Variants in RFC3 observed in about 807,000 individuals in gnomAD.
The protein encoded by RFC3 is A1 38 kDa subunit.
In RFC3, 41 loss-of-function variants were observed where a neutral mutation model predicts 45.1. That is an observed-to-expected ratio of 0.91 (90% CI 0.71 to 1.18). RFC3 has a LOEUF of 1.18. Among genes scored for constraint, RFC3 ranks in the 50% most tolerant of loss-of-function variants. The pLI, the probability that RFC3 is intolerant of heterozygous loss-of-function variation, is 0.00. For missense variants in RFC3, 423 were observed against 428.1 expected (o/e 0.99, Z 0.10); for synonymous variants, 149 against 144.0 (o/e 1.03, Z -0.25).
chr13:33,840,564 A>T (rs2082190226), downstream of RFC3, among the ~76,000 whole-genome samples: 1 of 146,924 alleles, frequency 6.8e-6, no homozygotes, highest in African/African-American at 2.5e-5. Context: ...GTCATGTTAC[A>T]TTATCAAGTG....
At chr13:33,896,134 C>T (rs1247397586) in intron 8 of RFC3, among the ~76,000 whole-genome samples, 2 of 151,586 alleles carry the variant, frequency 1.3e-5, no homozygotes, top group Non-Finnish European at 2.9e-5. Context: ...ACAAAAAAAC[C>T]ACTTGTACCC....
intron 8 of RFC3, among the ~76,000 whole-genome samples, chr13:33,861,868 A>G (rs961441113): frequency 3.3e-5 from 5 of 152,218 alleles, no homozygotes; most frequent in African/African-American, 1.2e-4. Flanking sequence ...TACCCTTTGC[A>G]GTAAAACTAA....
chr13:33,933,081 A>T (rs775789001), intron 8 of RFC3, among the ~76,000 whole-genome samples: 9 of 152,148 alleles, frequency 5.9e-5, no homozygotes, highest in Non-Finnish European at 1.0e-4. Context: ...TGAGTTACAG[A>T]TGGTGATATC....
At chr13:33,832,017 T>A (rs1431019582) in intron 7 of RFC3, among the ~76,000 whole-genome samples, 1 of 152,240 alleles carries the variant, frequency 6.6e-6, no homozygotes, top group East Asian at 1.9e-4. Flanking sequence ...TTGACACATT[T>A]GCTCAAAATT....
intron 8 of RFC3, among the ~76,000 whole-genome samples, chr13:33,931,517 G>T (rs1442525313): frequency 6.6e-6 from 1 of 151,956 alleles, no homozygotes; most frequent in Non-Finnish European, 1.5e-5. Flanking sequence ...CTCATATCAT[G>T]AGATGTGTAA....
chr13:33,948,521 G>A (rs1043182905), intron 8 of RFC3, among the ~76,000 whole-genome samples: 1 of 152,206 alleles, frequency 6.6e-6, no homozygotes, highest in Non-Finnish European at 1.5e-5. Context: ...GCTGTGAGAA[G>A]AGGGCCACTG....
At chr13:33,852,345 T>C (rs1351741787) in intron 8 of RFC3, among the ~76,000 whole-genome samples, 1 of 152,192 alleles carries the variant, frequency 6.6e-6, no homozygotes, top group East Asian at 1.9e-4. Context: ...TGAGCCTATG[T>C]GTAAGTAGTC....
At chr13:33,868,871 G>C (rs1593652096) in intron 8 of RFC3, among the ~76,000 whole-genome samples, 1 of 152,116 alleles carries the variant, frequency 6.6e-6, no homozygotes, top group East Asian at 1.9e-4. Flanking sequence ...GTAACAAAAA[G>C]GCCAGACACT....
At chr13:33,950,398 A>G (rs1444595042) in intron 8 of RFC3, among the ~76,000 whole-genome samples, 1 of 152,210 alleles carries the variant, frequency 6.6e-6, no homozygotes, top group East Asian at 1.9e-4. Context: ...GATATAATGA[A>G]AAAGGAAAAA....
At chr13:33,822,625 G>T (rs2082013562) in intron 2 of RFC3, among the ~76,000 whole-genome samples, 2 of 152,154 alleles carry the variant, frequency 1.3e-5, no homozygotes, top group African/African-American at 4.8e-5. Flanking sequence ...AGTGGAAGAG[G>T]ATAAGCCAGC....
At chr13:33,962,412 GC>G (rs1219898091) in intron 8 of RFC3, among the ~76,000 whole-genome samples, 2 of 152,010 alleles carry the variant, frequency 1.3e-5, no homozygotes, top group African/African-American at 4.8e-5. Flanking sequence ...CTAACCCCCA[GC>G]CCCACACCCC....
intron 8 of RFC3, among the ~76,000 whole-genome samples, chr13:33,889,391 T>C (rs938381619): frequency 6.6e-6 from 1 of 152,192 alleles, no homozygotes; most frequent in African/African-American, 2.4e-5. Flanking sequence ...AGTAAACAAA[T>C]ACCCTTTTTA....
intron 8 of RFC3, among the ~76,000 whole-genome samples, chr13:33,920,936 C>T (rs950244930): frequency 3.2e-4 from 49 of 152,014 alleles, no homozygotes; most frequent in African/African-American, 1.2e-3. Context: ...AATATAGAGG[C>T]AAATTTATGT....
chr13:33,912,513 G>A (rs1293560922), intron 8 of RFC3, among the ~76,000 whole-genome samples: 2 of 152,122 alleles, frequency 1.3e-5, no homozygotes, highest in African/African-American at 2.4e-5. Context: ...GTTAGGCAAA[G>A]GAGGCCTGGG....
At chr13:33,975,829 G>A in the RFC3 span, among the ~76,000 whole-genome samples, 5 of 152,162 alleles carry the variant, frequency 3.3e-5, no homozygotes, top group South Asian at 4.1e-4. Flanking sequence ...TTAATTTAAT[G>A]TATATGCATG....
chr13:33,927,765 G>A (rs2082823480), intron 8 of RFC3, among the ~76,000 whole-genome samples: 1 of 152,078 alleles, frequency 6.6e-6, no homozygotes, highest in African/African-American at 2.4e-5. Flanking sequence ...AACTGGAGAG[G>A]CCTGGTGTGT....
chr13:33,913,257 T>C (rs1284925448), intron 8 of RFC3, among the ~76,000 whole-genome samples: 1 of 152,002 alleles, frequency 6.6e-6, no homozygotes, highest in African/African-American at 2.4e-5. Flanking sequence ...CTCAAAGCAG[T>C]CCCAACAGGC....
chr13:33,915,082 A>G (rs868261134), intron 8 of RFC3, among the ~76,000 whole-genome samples: 4 of 152,182 alleles, frequency 2.6e-5, no homozygotes, highest in Admixed American at 6.5e-5. Context: ...TTAGAATTCA[A>G]GTAATCTTAG....
chr13:33,906,023 T>G (rs1468406813), intron 8 of RFC3, among the ~76,000 whole-genome samples: 1 of 152,130 alleles, frequency 6.6e-6, no homozygotes, highest in Non-Finnish European at 1.5e-5. Context: ...ATAAAAATCA[T>G]AATATCCTTG....
Sources: allele counts gnomAD v4.1 joint callset (sites outside exome capture counted in the v4.1 genomes callset), GRCh38; gene constraint gnomAD v4.1.1; transcripts MANE v1.5; gene names NCBI Gene and HGNC (gene_info 2026-07-23, HGNC 2026-07-21).